The following RASEF variants were observed in gnomAD, a reference collection of about 807,000 sequenced individuals.
The protein encoded by RASEF is ras and EF-hand domain-containing protein.
Under a neutral mutation model 90.1 loss-of-function variants are expected in RASEF, and 68 were observed. That is an observed-to-expected ratio of 0.75 (90% confidence interval 0.62 to 0.92). RASEF has a LOEUF of 0.92. RASEF is among the 40% of genes least tolerant of loss of function. The pLI is 0.00. For missense variants in RASEF, 949 were observed against 937.2 expected (o/e 1.01, Z -0.16); for synonymous variants, 331 against 345.2 (o/e 0.96, Z 0.46).
chr9:83,069,133 G>T, the RASEF span, among the ~76,000 whole-genome samples: 1 of 152,086 alleles, frequency 6.6e-6, no homozygotes, highest in Non-Finnish European at 1.5e-5. Context: ...TGAGCGTTTC[G>T]ACCACTGTTA....
intron 8 of RASEF, 146 bp downstream of exon 8, chr9:83,005,270 G>T (rs1185048804): frequency 6.5e-6 from 4 of 618,436 alleles, no homozygotes; most frequent in East Asian, 2.8e-5. Flanking sequence ...GAAAAATGCT[G>T]CCTCGTTTTA....
At chr9:83,055,500 G>T (rs770388080) in intron 1 of RASEF, 7 of 687,892 alleles carry the variant, frequency 1.0e-5, no homozygotes, top group South Asian at 6.0e-5. Context: ...GAAATCACCC[G>T]TCTTCTGCGT....
intron 5 of RASEF, among the ~76,000 whole-genome samples, chr9:83,011,369 C>T (rs192324966): frequency 2.0e-5 from 3 of 151,768 alleles, no homozygotes; most frequent in Non-Finnish European, 4.4e-5. Context: ...CTGGCCAACA[C>T]GGTGAAACCC....
the RASEF span, among the ~76,000 whole-genome samples, chr9:83,124,546 A>T: frequency 6.6e-6 from 1 of 152,298 alleles, no homozygotes; most frequent in Non-Finnish European, 1.5e-5. Context: ...AAGCTGCCGC[A>T]GTTTCTCCCT....
chr9:83,132,370 G>A, the RASEF span, among the ~76,000 whole-genome samples: 1 of 152,132 alleles, frequency 6.6e-6, no homozygotes, highest in Non-Finnish European at 1.5e-5. Context: ...GTCTCCAGTG[G>A]TTTTTGCCAC....
chr9:83,178,915 T>A, the RASEF span, among the ~76,000 whole-genome samples: 4 of 152,130 alleles, frequency 2.6e-5, no homozygotes, highest in African/African-American at 7.2e-5. Flanking sequence ...CTACTGCCAA[T>A]CCAGTCTCAC....
chr9:83,125,168 T>C, the RASEF span, among the ~76,000 whole-genome samples: 1 of 152,164 alleles, frequency 6.6e-6, no homozygotes, highest in African/African-American at 2.4e-5. Context: ...AGTTTCCTGG[T>C]ATACTGGTAT....
chr9:83,203,639 G>A, the RASEF span, among the ~76,000 whole-genome samples: 2 of 152,188 alleles, frequency 1.3e-5, no homozygotes, highest in Non-Finnish European at 2.9e-5. Context: ...GAGAAAATAG[G>A]TAAGTAGACC....
chr9:83,005,652 CTG>C lies in RASEF; in HGVS notation c.1029-154_1029-153del, dbSNP rs1199186842. 11 of 655,356 alleles carry C rather than the reference CTG, an allele frequency of 1.7e-5. 1 individual carries two copies. The Admixed American group carries it at 2.8e-4, about 17-fold the overall frequency. The allele number at this position is 655,356 out of a possible 1,614,324, so 40.6% of individuals were successfully genotyped here. On this transcript the variant is annotated intron_variant, in intron 7 of 16. Coordinates refer to ENST00000376447, the MANE Select transcript of RASEF (RefSeq NM_152573.4). The stretch of plus-strand genomic sequence containing the variant: ...ACCACTTCCCTTCAAACCTCAAAAA[CTG>C]AGATAATTCATTACTTAAAGTACAA...
the RASEF span, among the ~76,000 whole-genome samples, chr9:83,158,829 T>TAC: frequency 6.0e-5 from 9 of 149,948 alleles, no homozygotes; most frequent in Admixed American, 2.0e-4. Context: ...CACACAGACA[T>TAC]ACACACACAC....
chr9:83,090,333 A>T, the RASEF span, among the ~76,000 whole-genome samples: 1 of 151,950 alleles, frequency 6.6e-6, no homozygotes, highest in East Asian at 1.9e-4. Flanking sequence ...AATGAACCCA[A>T]TGTCTGGGAT....
At chr9:83,199,690 C>G in the RASEF span, among the ~76,000 whole-genome samples, 2 of 152,174 alleles carry the variant, frequency 1.3e-5, no homozygotes, top group African/African-American at 2.4e-5. Flanking sequence ...AAAAATGGAC[C>G]ATTCTTTCCT....
the RASEF span, among the ~76,000 whole-genome samples, chr9:83,173,334 C>A: frequency 6.6e-6 from 1 of 151,812 alleles, no homozygotes; most frequent in South Asian, 2.1e-4. Flanking sequence ...ATCCCAACTT[C>A]TTTTTCTCAC....
At chr9:83,206,712 C>T in the RASEF span, among the ~76,000 whole-genome samples, 2 of 152,182 alleles carry the variant, frequency 1.3e-5, no homozygotes. Context: ...GGCCCGGAGG[C>T]CTGTGTCTCA....
chr9:83,205,948 C>T, the RASEF span, among the ~76,000 whole-genome samples: 6 of 152,094 alleles, frequency 3.9e-5, no homozygotes, highest in African/African-American at 9.7e-5. Flanking sequence ...AATATAACTA[C>T]CCTAAAAATA....
intron 1 of RASEF, among the ~76,000 whole-genome samples, chr9:83,053,524 G>A (rs1272047732): frequency 7.6e-6 from 1 of 131,954 alleles, no homozygotes; most frequent in East Asian, 2.3e-4. Flanking sequence ...TCTTTTAATT[G>A]CAGAATTTAG....
chr9:83,062,380 GGAA>G (rs1830222864), intron 1 of RASEF, 54 bp downstream of exon 1: 5 of 1,569,680 alleles, frequency 3.2e-6, no homozygotes, highest in Non-Finnish European at 3.5e-6. Flanking sequence ...CAAGTAAGTG[GGAA>G]GAAGCAAGCA....
At position 83,063,021 on chromosome 9, in the gene RASEF, G is replaced by C; in HGVS notation, c.-154C>G. 1.3e-6 allele frequency: 1 copy of C among 780,986 alleles called. No homozygotes were observed. Among genetic ancestry groups the C allele is most frequent in the East Asian group, 3.4e-5 (1 of 29,824 alleles). 48.4% of individuals were successfully genotyped at this position (780,986 alleles called of 1,614,324 possible). A position where few individuals can be genotyped will look rare whatever the true frequency, so the allele number is the denominator to read the frequency against. The stretch of plus-strand genomic sequence containing the variant: ...CTTGAGGGAACGTCGGGCGGGGCGA[G>C]GAACGTCGGGGGTGGCCGAGCGGCT... On this transcript the variant is annotated 5_prime_UTR_variant, in exon 1 of 17. Coordinates refer to ENST00000376447, the MANE Select transcript of RASEF (RefSeq NM_152573.4).
chr9:83,090,873 AATT>A, the RASEF span, among the ~76,000 whole-genome samples: 3 of 151,946 alleles, frequency 2.0e-5, no homozygotes, highest in Admixed American at 6.6e-5. Context: ...GAATAATAAT[AATT>A]ATTATTATGA....
Sources: allele counts gnomAD v4.1 joint callset (sites outside exome capture counted in the v4.1 genomes callset), GRCh38; gene constraint gnomAD v4.1.1; transcripts MANE v1.5; gene names NCBI Gene and HGNC (gene_info 2026-07-23, HGNC 2026-07-21).